TMEM135: variants seen among roughly 807,000 people sequenced by gnomAD.
TMEM135 encodes transmembrane protein 135, also known as peroxisomal membrane protein 52.
TMEM135 carries 30 observed loss-of-function variants against 60.3 expected under a neutral mutation model. The ratio of observed to expected loss-of-function variants is 0.50; its 90% CI spans 0.37 to 0.68. TMEM135 has a LOEUF of 0.68. Among genes scored for constraint, TMEM135 ranks in the 30% least tolerant of loss-of-function variants. The pLI, the probability that TMEM135 is intolerant of heterozygous loss-of-function variation, is 0.00. For synonymous variants in TMEM135, 190 were observed against 186.7 expected (o/e 1.02, Z -0.14); for missense variants, 468 against 548.8 (o/e 0.85, Z 1.47).
intron 4 of TMEM135, among the ~76,000 whole-genome samples, chr11:87,125,125 C>G (rs540107934): frequency 6.6e-6 from 1 of 152,076 alleles, no homozygotes; most frequent in South Asian, 2.1e-4. Flanking sequence ...CTATTTTTAT[C>G]TCAAGCTAAC....
At chr11:87,232,290 A>G (rs1320818593) in intron 5 of TMEM135, among the ~76,000 whole-genome samples, 1 of 152,058 alleles carries the variant, frequency 6.6e-6, no homozygotes, top group Non-Finnish European at 1.5e-5. Flanking sequence ...AAATAAAGAT[A>G]ACATCTGTGA....
intron 2 of TMEM135, 58 bp downstream of exon 2, chr11:87,067,879 A>T (rs1856697401): frequency 6.3e-7 from 1 of 1,597,842 alleles, no homozygotes; most frequent in Non-Finnish European, 8.6e-7. Context: ...AAATGGAAAC[A>T]AGTATGTGTT....
At chr11:87,061,095 G>T (rs932037174) in intron 1 of TMEM135, among the ~76,000 whole-genome samples, 1 of 152,128 alleles carries the variant, frequency 6.6e-6, no homozygotes, top group Non-Finnish European at 1.5e-5. Context: ...AATTAAATGA[G>T]TTGACATTTG....
chr11:87,294,363 T>C (rs1478386264), intron 6 of TMEM135, among the ~76,000 whole-genome samples: 2 of 152,236 alleles, frequency 1.3e-5, no homozygotes, highest in Non-Finnish European at 2.9e-5. Context: ...AGAGGAATAA[T>C]TGCCCTGTTA....
At chr11:87,154,175 T>C (rs1938631087) in intron 4 of TMEM135, among the ~76,000 whole-genome samples, 1 of 152,220 alleles carries the variant, frequency 6.6e-6, no homozygotes, top group Non-Finnish European at 1.5e-5. Flanking sequence ...TGTTCTACTT[T>C]CTGTCTCAAT....
At chr11:87,111,989 T>C (rs1452380309) in intron 4 of TMEM135, among the ~76,000 whole-genome samples, 1 of 152,196 alleles carries the variant, frequency 6.6e-6, no homozygotes, top group Non-Finnish European at 1.5e-5. Flanking sequence ...CTAAATGTTA[T>C]TGATTGATGA....
chr11:87,262,956 TTGTTA>T, intron 6 of TMEM135, among the ~76,000 whole-genome samples: 2 of 152,296 alleles, frequency 1.3e-5, no homozygotes, highest in African/African-American at 4.8e-5. Flanking sequence ...TGAGTTGTTT[TTGTTA>T]TAAGATATTG....
intron 6 of TMEM135, among the ~76,000 whole-genome samples, chr11:87,258,187 GA>G (rs1442995131): frequency 2.0e-5 from 2 of 100,444 alleles, no homozygotes; most frequent in East Asian, 2.3e-4. Context: ...TTATTTTGGG[GA>G]AAAGCCTTTT....
chr11:87,207,221 G>A (rs1438328843), intron 5 of TMEM135, among the ~76,000 whole-genome samples: 2 of 152,166 alleles, frequency 1.3e-5, no homozygotes, highest in Non-Finnish European at 2.9e-5. Flanking sequence ...TTTGCTTTAG[G>A]ACTTTGGGTT....
Position 87,080,682 on chromosome 11 carries a change from A to AT in TMEM135, c.362+9074dup, listed in dbSNP as rs199829681. ...TTGTTCTGAAGTTTATTTTTATTTGATTTTTTTATTTCTTATTTTTTTGAG... is the reference window on the plus strand; with the variant it reads ...TTGTTCTGAAGTTTATTTTTATTTGATTTTTTTTATTTCTTATTTTTTTGAG... On this transcript the variant is annotated intron_variant, in intron 3 of 14. Coordinates refer to ENST00000305494, the MANE Select transcript of TMEM135 (RefSeq NM_022918.4). 4.1e-3 allele frequency among the ~76,000 whole-genome samples: 620 copies of AT among 151,506 alleles called. 4 individuals carry two copies. Among genetic ancestry groups the AT allele is most frequent in the African/African-American group, 0.013 (517 of 41,266 alleles).
At chr11:87,143,453 G>A (rs188361667) in intron 4 of TMEM135, among the ~76,000 whole-genome samples, 1 of 151,208 alleles carries the variant, frequency 6.6e-6, no homozygotes, top group South Asian at 2.1e-4. Flanking sequence ...TTGGAAATTG[G>A]ACATTTTATT....
intron 6 of TMEM135, among the ~76,000 whole-genome samples, chr11:87,262,492 GT>G (rs1287659905): frequency 6.6e-6 from 1 of 152,084 alleles, no homozygotes; most frequent in Non-Finnish European, 1.5e-5. Context: ...CTTTTCATTG[GT>G]TTATTAGCCA....
chr11:87,157,741 A>G (rs1300157267), intron 5 of TMEM135: 1 of 201,166 alleles, frequency 5.0e-6, no homozygotes, highest in Non-Finnish European at 1.0e-5. Context: ...TGTTATACAG[A>G]ACTGATACTT....
Position 87,327,645 on chromosome 11 carries a change from C to T in TMEM135, c.*6312C>T, listed in dbSNP as rs1369452608. Reference sequence around the variant, plus strand: ...AAACCCCACCACAGGCCATTCATAACCTGGAGACCTTGGGATGCTGGTGGT... The same window carrying T: ...AAACCCCACCACAGGCCATTCATAATCTGGAGACCTTGGGATGCTGGTGGT... On this transcript the variant is annotated 3_prime_UTR_variant, in exon 15 of 15. Coordinates refer to ENST00000305494, the MANE Select transcript of TMEM135 (RefSeq NM_022918.4). 4.4e-6 allele frequency: 2 copies of T among 453,800 alleles called. No homozygotes were observed. Among genetic ancestry groups the T allele is most frequent in the East Asian group, 7.0e-5 (1 of 14,388 alleles). The allele number at this position is 453,800 out of a possible 1,614,324, so 28.1% of individuals were successfully genotyped here. A position where few individuals can be genotyped will look rare whatever the true frequency, so the allele number is the denominator to read the frequency against.
intron 4 of TMEM135, among the ~76,000 whole-genome samples, chr11:87,099,584 A>G: frequency 1.3e-5 from 2 of 151,850 alleles, no homozygotes; most frequent in Non-Finnish European, 2.9e-5. Context: ...AAGCTGCTAT[A>G]AATATTCATG....
chr11:87,073,758 C>G (rs1410037104), intron 3 of TMEM135, among the ~76,000 whole-genome samples: 1 of 151,890 alleles, frequency 6.6e-6, no homozygotes, highest in Non-Finnish European at 1.5e-5. Context: ...ACTTCTGCCT[C>G]CCAGGTTCAA....
chr11:87,209,592 T>A (rs1424469309), intron 5 of TMEM135, among the ~76,000 whole-genome samples: 1 of 152,128 alleles, frequency 6.6e-6, no homozygotes, highest in Non-Finnish European at 1.5e-5. Flanking sequence ...AACCATATAT[T>A]AATAGTGGGA....
At chr11:87,137,630 T>G (rs566205185) in intron 4 of TMEM135, among the ~76,000 whole-genome samples, 1 of 152,180 alleles carries the variant, frequency 6.6e-6, no homozygotes, top group South Asian at 2.1e-4. Flanking sequence ...GACACTATCT[T>G]GTTTTGAAAC....
At chr11:87,262,117 A>G (rs1941664943) in intron 6 of TMEM135, among the ~76,000 whole-genome samples, 1 of 152,212 alleles carries the variant, frequency 6.6e-6, no homozygotes, top group South Asian at 2.1e-4. Context: ...AACCTTCTCA[A>G]CAGACATTTA....
Sources: allele counts gnomAD v4.1 joint callset (sites outside exome capture counted in the v4.1 genomes callset), GRCh38; gene constraint gnomAD v4.1.1; transcripts MANE v1.5; gene names NCBI Gene and HGNC (gene_info 2026-07-23, HGNC 2026-07-21).